SAE1: variants seen among roughly 807,000 people sequenced by gnomAD.
The protein encoded by SAE1 is SUMO1 activating enzyme subunit 1.
A neutral mutation model predicts 40.6 loss-of-function variants in SAE1; 11 were observed. The ratio of observed to expected loss-of-function variants is 0.27; its 90% CI spans 0.17 to 0.45. The LOEUF (loss-of-function observed/expected upper bound fraction) is 0.45, where lower values mean the gene tolerates loss of function less well. Ranked by LOEUF, SAE1 falls within the 20% of genes least tolerant of loss-of-function variation. The pLI is 1.00. For synonymous variants in SAE1, 155 were observed against 154.3 expected, an observed-to-expected ratio of 1.00 and a Z score of -0.03; for missense variants, 373 against 427.3, an observed-to-expected ratio of 0.87 and a Z score of 1.12.
At chr19:47,162,898 G>A (rs1203778991) in intron 5 of SAE1, among the ~76,000 whole-genome samples, 10 of 152,114 alleles carry the variant, frequency 6.6e-5, no homozygotes, top group Admixed American at 6.6e-4. Context: ...AAGCTGAGGC[G>A]GGAGGATTGC....
At chr19:47,150,614 T>G (rs1757143675) in intron 3 of SAE1, among the ~76,000 whole-genome samples, 2 of 152,226 alleles carry the variant, frequency 1.3e-5, no homozygotes, top group South Asian at 4.1e-4. Flanking sequence ...TCTGCTGGCT[T>G]CTTCTCTGGG....
At chr19:47,173,766 T>G (rs1469762363) in intron 6 of SAE1, among the ~76,000 whole-genome samples, 1 of 150,844 alleles carries the variant, frequency 6.6e-6, no homozygotes, top group Non-Finnish European at 1.5e-5. Flanking sequence ...GCCAGTTGAC[T>G]CCTTTCTTTT....
chr19:47,144,014 G>A (rs552797252), intron 2 of SAE1, among the ~76,000 whole-genome samples: 103 of 152,300 alleles, frequency 6.8e-4, no homozygotes, highest in Non-Finnish European at 1.2e-3. Context: ...TAGGTCTGAG[G>A]CGAGCTCAGG....
At chr19:47,166,363 C>A (rs1031824305) in intron 5 of SAE1, among the ~76,000 whole-genome samples, 5 of 152,104 alleles carry the variant, frequency 3.3e-5, no homozygotes, top group African/African-American at 1.2e-4. Context: ...CCAGGCCTTC[C>A]AGGTGGTTAT....
At chr19:47,154,663 T>A (rs981447041) in intron 4 of SAE1, among the ~76,000 whole-genome samples, 8 of 151,498 alleles carry the variant, frequency 5.3e-5, no homozygotes, top group Non-Finnish European at 8.8e-5. Flanking sequence ...CCCGGCTAGT[T>A]TTTTGTATTT....
At chr19:47,166,163 C>A (rs144033004) in intron 5 of SAE1, among the ~76,000 whole-genome samples, 1 of 152,266 alleles carries the variant, frequency 6.6e-6, no homozygotes, top group Non-Finnish European at 1.5e-5. Flanking sequence ...TGTCTGAATG[C>A]TTAGGCCAGA....
chr19:47,132,275 T>C (rs967720253), intron 1 of SAE1, among the ~76,000 whole-genome samples: 1 of 151,484 alleles, frequency 6.6e-6, no homozygotes, highest in African/African-American at 2.4e-5. Context: ...TTTTTTTTTT[T>C]TTTCTTTCTC....
rs2058505732 is a variant in SAE1 at position 47,181,475 on chromosome 19, CCT to C, written c.733+11553_733+11554del. Among the ~76,000 whole-genome samples the C allele has an allele frequency of 3.0e-5, 4 of 132,648 alleles. No homozygotes were observed. In the South Asian group the frequency reaches 9.3e-4, roughly 31 times the overall value. The allele number at this position is 132,648 out of a possible 152,430, so 87.0% of individuals were successfully genotyped here. On this transcript the variant is annotated intron_variant, in intron 6 of 8. Transcript: ENST00000270225. Reference sequence around the variant, plus strand: ...TTTTGTTTTTCTTGTTTTTTCTTTTCCTTTTTTTTTTTTTTTTTTTTGAGATG... The same window carrying C: ...TTTTGTTTTTCTTGTTTTTTCTTTTCTTTTTTTTTTTTTTTTTTTGAGATG...
At chr19:47,172,246 T>C (rs952833770) in intron 6 of SAE1, among the ~76,000 whole-genome samples, 11 of 152,322 alleles carry the variant, frequency 7.2e-5, no homozygotes, top group East Asian at 5.8e-4. Context: ...GTCCCGAATA[T>C]CCATTTGTGT....
intron 6 of SAE1, among the ~76,000 whole-genome samples, chr19:47,172,451 G>T (rs1475449231): frequency 6.6e-6 from 1 of 152,096 alleles, no homozygotes; most frequent in East Asian, 1.9e-4. Flanking sequence ...AAAGCCCTCA[G>T]GAAACAATGG....
At chr19:47,154,696 A>G (rs990073504) in intron 4 of SAE1, among the ~76,000 whole-genome samples, 3 of 151,686 alleles carry the variant, frequency 2.0e-5, no homozygotes, top group South Asian at 4.1e-4. Flanking sequence ...GGGTTTTGCT[A>G]TGTTGGCCAG....
chr19:47,189,195 A>G (rs2058563446), intron 6 of SAE1, among the ~76,000 whole-genome samples: 1 of 152,166 alleles, frequency 6.6e-6, no homozygotes, highest in African/African-American at 2.4e-5. Context: ...TTTTTCTGGA[A>G]ATTTATGTCA....
chr19:47,195,399 T>C (rs2058607271), intron 6 of SAE1, among the ~76,000 whole-genome samples: 1 of 152,196 alleles, frequency 6.6e-6, no homozygotes. Context: ...GGATAAAAGT[T>C]ATAGCCTTGT....
rs2058707656 is a variant in SAE1, at chr19:47,210,343, T to G, written c.*1092T>G. On this transcript the variant is annotated 3_prime_UTR_variant, in exon 9 of 9. Coordinates refer to ENST00000270225, the MANE Select transcript of SAE1 (RefSeq NM_005500.3). ...TTTTTCTGGGTGATGCAGCAAGAGT[T>G]AAATTGTTCACATTCTAGAATGTGT... 6.6e-6 allele frequency: 1 copy of G among 152,198 alleles called. No individual in the cohort carries two copies. The highest frequency in any genetic ancestry group is 1.5e-5 in the Non-Finnish European group (1 of 68,004). 9.4% of individuals were successfully genotyped at this position (152,198 alleles called of 1,614,324 possible). A position where few individuals can be genotyped will look rare whatever the true frequency, so the allele number is the denominator to read the frequency against.
At position 47,152,104 on chromosome 19, in the gene SAE1, A is replaced by G. The variant is rs79777780; in HGVS notation, c.385-794A>G. Among the ~76,000 whole-genome samples, 646 of 152,376 alleles carry G rather than the reference A, an allele frequency of 4.2e-3. 6 individuals carry two copies. Among genetic ancestry groups the G allele is most frequent in the African/African-American group, 0.015 (612 of 41,598 alleles). ...TGCTAGACAACAGCAAAGAGGGTCTATCAAGTGAAAATGTCCTTTTGTTCA... is the reference window on the plus strand; with the variant it reads ...TGCTAGACAACAGCAAAGAGGGTCTGTCAAGTGAAAATGTCCTTTTGTTCA... On this transcript the variant is annotated intron_variant, in intron 3 of 8. Coordinates refer to ENST00000270225, the MANE Select transcript of SAE1 (RefSeq NM_005500.3).
intron 6 of SAE1, among the ~76,000 whole-genome samples, chr19:47,172,116 A>C (rs572877512): frequency 6.6e-6 from 1 of 152,126 alleles, no homozygotes; most frequent in South Asian, 2.1e-4. Context: ...ACGGGGTTTC[A>C]CCATGTTGGC....
intron 6 of SAE1, among the ~76,000 whole-genome samples, chr19:47,190,551 A>T (rs1253695140): frequency 6.6e-6 from 1 of 152,158 alleles, no homozygotes; most frequent in East Asian, 1.9e-4. Context: ...GTTTTGCTGC[A>T]AGTAAGTGGC....
chr19:47,145,353 G>T (rs2058249598), intron 2 of SAE1, among the ~76,000 whole-genome samples: 2 of 152,214 alleles, frequency 1.3e-5, no homozygotes, highest in South Asian at 4.2e-4. Flanking sequence ...CACCATATTG[G>T]CCAGGTTGGT....
intron 6 of SAE1, among the ~76,000 whole-genome samples, chr19:47,177,265 C>G (rs2058475028): frequency 6.6e-6 from 1 of 152,196 alleles, no homozygotes; most frequent in African/African-American, 2.4e-5. Context: ...AGTGTTCTTG[C>G]CAATGTGAAA....
Sources: allele counts gnomAD v4.1 joint callset (sites outside exome capture counted in the v4.1 genomes callset), GRCh38; gene constraint gnomAD v4.1.1; transcripts MANE v1.5; gene names NCBI Gene and HGNC (gene_info 2026-07-23, HGNC 2026-07-21).